The following ADCY2 variants were observed in gnomAD, a reference collection of about 807,000 sequenced individuals.
The protein encoded by ADCY2 is adenylate cyclase 2.
ADCY2 carries 31 observed loss-of-function variants against 125.2 expected under a neutral mutation model. The ratio of observed to expected loss-of-function variants is 0.25; its 90% CI spans 0.19 to 0.33. The LOEUF (loss-of-function observed/expected upper bound fraction) is 0.33. ADCY2 is among the 10% of genes least tolerant of loss of function. The pLI, the probability that ADCY2 is intolerant of heterozygous loss-of-function variation, is 1.00. For synonymous variants in ADCY2, 512 were observed against 548.4 expected (o/e 0.93, Z 0.93); for missense variants, 904 against 1,418.2 (o/e 0.64, Z 5.82).
intron 14 of ADCY2, among the ~76,000 whole-genome samples, chr5:7,733,232 A>G (rs1742157134): frequency 6.6e-6 from 1 of 152,308 alleles, no homozygotes; most frequent in East Asian, 1.9e-4. Flanking sequence ...ATAATGTTAA[A>G]TGTCTTAGAA....
intron 3 of ADCY2, among the ~76,000 whole-genome samples, chr5:7,592,525 A>G (rs549564756): frequency 6.6e-6 from 1 of 150,980 alleles, no homozygotes; most frequent in East Asian, 2.0e-4. Flanking sequence ...TTTCCTACCT[A>G]TTGTACTAGG....
chr5:7,414,516 T>C (rs1042170483), intron 1 of ADCY2, 57 bp from the exon 2 acceptor site: 14 of 1,386,012 alleles, frequency 1.0e-5, no homozygotes, highest in African/African-American at 2.9e-5. Flanking sequence ...ACATAAATCA[T>C]TGGTATCACA....
intron 12 of ADCY2, among the ~76,000 whole-genome samples, chr5:7,721,269 T>C (rs953581550): frequency 6.6e-6 from 1 of 152,262 alleles, no homozygotes; most frequent in African/African-American, 2.4e-5. Context: ...GTAAATTTGT[T>C]TGAGTTCTTT....
At chr5:7,637,095 T>C (rs1183574130) in intron 4 of ADCY2, among the ~76,000 whole-genome samples, 1 of 152,242 alleles carries the variant, frequency 6.6e-6, no homozygotes, top group Non-Finnish European at 1.5e-5. Context: ...TTATATTACA[T>C]AGTTTTCCTA....
intron 16 of ADCY2, among the ~76,000 whole-genome samples, chr5:7,765,632 T>C (rs1357802244): frequency 6.6e-6 from 1 of 152,204 alleles, no homozygotes; most frequent in Non-Finnish European, 1.5e-5. Flanking sequence ...TTTAGGTATT[T>C]GACAAGAACT....
intron 4 of ADCY2, among the ~76,000 whole-genome samples, chr5:7,654,374 G>T (rs868385232): frequency 6.6e-6 from 1 of 152,108 alleles, no homozygotes; most frequent in Non-Finnish European, 1.5e-5. Context: ...ACAGATGAGG[G>T]AATGAGCAGC....
intron 2 of ADCY2, among the ~76,000 whole-genome samples, chr5:7,446,856 G>T (rs552084974): frequency 1.3e-5 from 2 of 152,138 alleles, no homozygotes; most frequent in Admixed American, 6.6e-5. Flanking sequence ...TTTTTCTTTT[G>T]CATTTGCCTT....
At chr5:7,433,554 T>G (rs1740686042) in intron 2 of ADCY2, among the ~76,000 whole-genome samples, 1 of 152,146 alleles carries the variant, frequency 6.6e-6, no homozygotes. Flanking sequence ...TGAAATATTC[T>G]AAGAAGCATA....
chr5:7,549,464 G>A (rs977481194), intron 3 of ADCY2, among the ~76,000 whole-genome samples: 5 of 152,136 alleles, frequency 3.3e-5, no homozygotes, highest in Non-Finnish European at 7.3e-5. Flanking sequence ...GTAATTCCCC[G>A]AATAGGAAGG....
chr5:7,440,618 T>C (rs1305938651), intron 2 of ADCY2, among the ~76,000 whole-genome samples: 3 of 152,086 alleles, frequency 2.0e-5, no homozygotes, highest in Non-Finnish European at 2.9e-5. Context: ...AACACCACCA[T>C]GTTGCTTTAT....
chr5:7,491,663 A>G (rs1004740459), intron 2 of ADCY2, among the ~76,000 whole-genome samples: 3 of 152,178 alleles, frequency 2.0e-5, no homozygotes, highest in Non-Finnish European at 4.4e-5. Flanking sequence ...TTTTAGGTCT[A>G]AAATAGATGT....
intron 20 of ADCY2, chr5:7,793,627 G>A (rs1480014154): frequency 3.3e-5 from 5 of 152,194 alleles, no homozygotes; most frequent in Non-Finnish European, 7.3e-5. Flanking sequence ...AGGGCAGCTC[G>A]GAAACTTTCC....
intron 3 of ADCY2, among the ~76,000 whole-genome samples, chr5:7,617,018 T>C (rs1737787210): frequency 6.6e-6 from 1 of 152,146 alleles, no homozygotes; most frequent in African/African-American, 2.4e-5. Flanking sequence ...TGTAACACTA[T>C]TAGGAAGTAG....
intron 2 of ADCY2, among the ~76,000 whole-genome samples, chr5:7,479,249 TAAAC>T (rs1742634125): frequency 6.6e-6 from 1 of 151,880 alleles, no homozygotes; most frequent in Non-Finnish European, 1.5e-5. Flanking sequence ...AGATTATAAA[TAAAC>T]CATGGTGTCG....
intron 4 of ADCY2, among the ~76,000 whole-genome samples, chr5:7,655,176 A>C (rs1226113312): frequency 6.6e-6 from 1 of 152,148 alleles, no homozygotes; most frequent in African/African-American, 2.4e-5. Flanking sequence ...TTGTGTAGGA[A>C]AGGGGCGCTA....
intron 12 of ADCY2, among the ~76,000 whole-genome samples, chr5:7,718,759 T>G (rs1486420048): frequency 1.3e-5 from 2 of 152,150 alleles, no homozygotes; most frequent in Non-Finnish European, 1.5e-5. Flanking sequence ...CTAGGGTCAG[T>G]GTGAAAAACA....
chr5:7,789,588 T>C (rs1414637185), intron 19 of ADCY2, 54 bp from the exon 20 acceptor site: 1 of 1,545,588 alleles, frequency 6.5e-7, no homozygotes, highest in Non-Finnish European at 8.8e-7. Flanking sequence ...ACCTCCACTC[T>C]CTGGCAGGAC....
At chr5:7,718,350 G>A (rs555438644) in intron 12 of ADCY2, among the ~76,000 whole-genome samples, 4 of 151,818 alleles carry the variant, frequency 2.6e-5, no homozygotes, top group East Asian at 2.0e-4. Flanking sequence ...GGGTTTCACC[G>A]TGTTAGCCAG....
chr5:7,483,415 A>AT (rs1269414192), intron 2 of ADCY2, among the ~76,000 whole-genome samples: 1 of 149,948 alleles, frequency 6.7e-6, no homozygotes, highest in East Asian at 1.9e-4. Flanking sequence ...ACTGCAGTAC[A>AT]TAAAAAAAAA....
Sources: gnomAD v4.1 joint callset for allele counts (sites outside exome capture counted in the v4.1 genomes callset) on GRCh38, gnomAD v4.1.1 for gene constraint, MANE v1.5 for transcripts, NCBI Gene and HGNC (gene_info 2026-07-23, HGNC 2026-07-21) for gene names.